The following SEC22C variants were observed in gnomAD, a reference collection of about 807,000 sequenced individuals.
The protein encoded by SEC22C is SEC22 homolog C, vesicle trafficking protein.
A neutral mutation model predicts 34.7 loss-of-function variants in SEC22C; 29 were observed. The observed-to-expected ratio is 0.84, with a 90% CI of 0.62 to 1.14. The LOEUF (loss-of-function observed/expected upper bound fraction) is 1.14. Among genes scored for constraint, SEC22C ranks in the 50% most tolerant of loss-of-function variants. The pLI is 0.00. For missense variants in SEC22C, 337 were observed against 369.0 expected (o/e 0.91, Z 0.71); for synonymous variants, 117 against 132.8 (o/e 0.88, Z 0.82).
At position 42,552,997 on chromosome 3, in the gene SEC22C, G is replaced by C; in HGVS notation, c.*251C>G. Reference sequence around the variant, plus strand: ...AAAGCTCTTTCTGGATGAGCCCCCAGATCCAGCTGTCCTAGGTAAACGTGC... The same window carrying C: ...AAAGCTCTTTCTGGATGAGCCCCCACATCCAGCTGTCCTAGGTAAACGTGC... On this transcript the variant is annotated 3_prime_UTR_variant, in exon 7 of 7. Coordinates refer to ENST00000264454, the MANE Select transcript of SEC22C (RefSeq NM_032970.4). 1 of 1,297,310 alleles carries C rather than the reference G, an allele frequency of 7.7e-7. No homozygotes were observed. Among genetic ancestry groups the C allele is most frequent in the Non-Finnish European group, 9.8e-7 (1 of 1,023,146 alleles). The allele number at this position is 1,297,310 out of a possible 1,614,324, so 80.4% of individuals were successfully genotyped here. A position where few individuals can be genotyped will look rare whatever the true frequency, so the allele number is the denominator to read the frequency against.
intron 4 of SEC22C, among the ~76,000 whole-genome samples, chr3:42,558,651 G>A (rs1303002049): frequency 6.6e-6 from 1 of 151,966 alleles, no homozygotes; most frequent in African/African-American, 2.4e-5. Context: ...AATTAGCCAG[G>A]TGTGGTGGTA....
intron 1 of SEC22C, among the ~76,000 whole-genome samples, chr3:42,593,239 C>T (rs1397234119): frequency 6.6e-6 from 1 of 151,978 alleles, no homozygotes; most frequent in African/African-American, 2.4e-5. Flanking sequence ...ATGGCAAAAC[C>T]CCATCTCTAC....
At chr3:42,591,315 C>T (rs1414817159) in intron 1 of SEC22C, 2 of 592,316 alleles carry the variant, frequency 3.4e-6, no homozygotes, top group Non-Finnish European at 6.0e-6. Context: ...TCTCCTGCCT[C>T]AGCCTCCTGA....
rs749014614 is a variant in SEC22C at position 42,563,712 on chromosome 3, T to C, written c.183-26A>G. 5 of 1,613,176 alleles carry C rather than the reference T, an allele frequency of 3.1e-6. No homozygotes were observed. In the South Asian group the frequency reaches 5.5e-5, roughly 18 times the overall value. On this transcript the variant is annotated intron_variant, in intron 2 of 6. Transcript: ENST00000264454. ...CTGAAACAAAAGGGCAATATCTGTATTACCAGGAAACAGCCCCATGTATTC... is the reference window on the plus strand; with the variant it reads ...CTGAAACAAAAGGGCAATATCTGTACTACCAGGAAACAGCCCCATGTATTC...
At chr3:42,572,730 T>C (rs1397489845) in intron 1 of SEC22C, among the ~76,000 whole-genome samples, 1 of 152,088 alleles carries the variant, frequency 6.6e-6, no homozygotes, top group Non-Finnish European at 1.5e-5. Flanking sequence ...ACATCCAAAA[T>C]GTAAGTTTCA....
rs143450389 is a variant in SEC22C, at chr3:42,552,030, G to A, written c.*1218C>T. The A allele has an allele frequency of 1.2e-3, 1,209 of 985,374 alleles. 13 individuals are homozygous for A. In the African/African-American group the frequency reaches 0.02, roughly 16 times the overall value. The allele number at this position is 985,374 out of a possible 1,614,324, so 61.0% of individuals were successfully genotyped here. The stretch of plus-strand genomic sequence containing the variant: ...GCAAACTCCCAAAATGACCTCCTGC[G>A]TGGTACAAAACAAGCCAGGCTGAAA... On this transcript the variant is annotated 3_prime_UTR_variant, in exon 7 of 7. Transcript: ENST00000264454.
chr3:42,557,610 G>A lies in SEC22C; in HGVS notation c.613C>T (p.Arg205Ter), dbSNP rs772711354. 1.3e-5 allele frequency: 21 copies of A among 1,597,816 alleles called. No homozygotes were observed. Among genetic ancestry groups the A allele is most frequent in the Middle Eastern group, 1.7e-4 (1 of 6,032 alleles). The change falls in exon 5 of 7, where the codon CGA becomes TGA. Residue 205 changes from arginine (R) to a stop codon, truncating the protein, a stop_gained. Coordinates refer to ENST00000264454, the MANE Select transcript of SEC22C (RefSeq NM_032970.4). LOFTEE classifies it high-confidence loss of function. ...GAATGTTCTGCAAGGTGAACTCCTC[G>A]AATGAGATTCAGGGCAGCACACATG... ...NIMCAALNLI[R>*]GVHLAEHSLQ...
intron 1 of SEC22C, chr3:42,580,548 A>G (rs1170006306): frequency 1.3e-5 from 2 of 152,194 alleles, no homozygotes; most frequent in Admixed American, 1.3e-4. Context: ...CAGTTTCGTC[A>G]TTTGTTAGGA....
chr3:42,578,539 TACACACACAC>T (rs66708395), intron 1 of SEC22C, among the ~76,000 whole-genome samples: 1 of 146,672 alleles, frequency 6.8e-6, no homozygotes, highest in African/African-American at 2.5e-5. Flanking sequence ...GTGACAGTAC[TACACACACAC>T]ACACACACAC....
rs1702181556 is a variant in SEC22C, at chr3:42,550,197, C to A, written c.*3051G>T. ...ACTTAACACACTCTGATGCTCAAGGCCTTGCAGCATCTGATACCAGAAGGC... is the reference window on the plus strand; with the variant it reads ...ACTTAACACACTCTGATGCTCAAGGACTTGCAGCATCTGATACCAGAAGGC... On this transcript the variant is annotated 3_prime_UTR_variant, in exon 7 of 7. Coordinates refer to ENST00000264454, the MANE Select transcript of SEC22C (RefSeq NM_032970.4). 1.0e-6 allele frequency: 1 copy of A among 985,340 alleles called. No homozygotes were observed. Among genetic ancestry groups the A allele is most frequent in the Admixed American group, 6.1e-5 (1 of 16,266 alleles). 61.0% of individuals were successfully genotyped at this position (985,340 alleles called of 1,614,324 possible). A position where few individuals can be genotyped will look rare whatever the true frequency, so the allele number is the denominator to read the frequency against.
intron 2 of SEC22C, among the ~76,000 whole-genome samples, chr3:42,565,248 T>C (rs968814226): frequency 6.6e-6 from 1 of 152,212 alleles, no homozygotes; most frequent in African/African-American, 2.4e-5. Context: ...TAATTGTCGA[T>C]ATATATTTAC....
chr3:42,568,737 G>A (rs1703420121), intron 2 of SEC22C, 128 bp downstream of exon 2: 2 of 728,108 alleles, frequency 2.7e-6, no homozygotes, highest in Non-Finnish European at 4.5e-6. Context: ...AGACACACAT[G>A]ATCTCAGACC....
intron 4 of SEC22C, 24 bp downstream of exon 4, chr3:42,561,093 A>G: frequency 6.2e-7 from 1 of 1,602,824 alleles, no homozygotes; most frequent in Non-Finnish European, 8.5e-7. Context: ...CTTCATCAAC[A>G]TCAGGGAACA....
intron 1 of SEC22C, among the ~76,000 whole-genome samples, chr3:42,587,769 T>C (rs1458158989): frequency 1.3e-5 from 2 of 149,090 alleles, no homozygotes; most frequent in African/African-American, 5.0e-5. Context: ...TATATAAACC[T>C]CACTCAAAAC....
At chr3:42,568,821 C>G in intron 2 of SEC22C, 44 bp downstream of exon 2, 1 of 1,555,024 alleles carries the variant, frequency 6.4e-7, no homozygotes, top group Non-Finnish European at 8.9e-7. Context: ...TAAAAGTAAT[C>G]CAAATTTTGC....
intron 1 of SEC22C, among the ~76,000 whole-genome samples, chr3:42,598,966 G>GATATCTGTAGATCTATAGATCT (rs1705143517): frequency 6.6e-6 from 1 of 150,518 alleles, no homozygotes; most frequent in Non-Finnish European, 1.5e-5. Context: ...TAGATCTATA[G>GATATCTGTAGATCTATAGATCT]ATAGATTTTT....
At chr3:42,571,530 A>T (rs767873737) in intron 1 of SEC22C, among the ~76,000 whole-genome samples, 1 of 152,220 alleles carries the variant, frequency 6.6e-6, no homozygotes, top group Non-Finnish European at 1.5e-5. Flanking sequence ...GCTGCCACGG[A>T]AGAGTATAAG....
At chr3:42,592,870 C>G (rs976518413) in intron 1 of SEC22C, among the ~76,000 whole-genome samples, 1 of 152,050 alleles carries the variant, frequency 6.6e-6, no homozygotes, top group Non-Finnish European at 1.5e-5. Flanking sequence ...GAACTCTACC[C>G]CCCCCACCGT....
intron 1 of SEC22C, among the ~76,000 whole-genome samples, chr3:42,579,264 C>T (rs574124145): frequency 6.8e-6 from 1 of 147,344 alleles, no homozygotes; most frequent in South Asian, 2.2e-4. Flanking sequence ...GCAACAAGAG[C>T]AAAACTCCAT....
Sources: gnomAD v4.1 joint callset for allele counts (sites outside exome capture counted in the v4.1 genomes callset) on GRCh38, gnomAD v4.1.1 for gene constraint, MANE v1.5 for transcripts, NCBI Gene and HGNC (gene_info 2026-07-23, HGNC 2026-07-21) for gene names.